DAB1: variants seen among roughly 807,000 people sequenced by gnomAD.
DAB1 encodes DAB adaptor protein 1.
DAB1 carries 15 observed loss-of-function variants against 64.6 expected under a neutral mutation model. That is an observed-to-expected ratio of 0.23 (90% CI 0.16 to 0.36). DAB1 has a LOEUF of 0.36. Ranked by LOEUF, DAB1 falls within the 10% of genes least tolerant of loss-of-function variation. DAB1 has a pLI of 1.00. For missense variants in DAB1, 596 were observed against 706.7 expected, an observed-to-expected ratio of 0.84 and a Z score of 1.78; for synonymous variants, 235 against 251.9, an observed-to-expected ratio of 0.93 and a Z score of 0.64.
chr1:57,227,519 T>TTTTTTTTGTG (rs3222527), intron 2 of DAB1, among the ~76,000 whole-genome samples: 1 of 135,726 alleles, frequency 7.4e-6, no homozygotes, highest in Admixed American at 7.5e-5. Flanking sequence ...TTTTTTTCTT[T>TTTTTTTTGTG]TGTGTGTGTG....
intron 2 of DAB1, among the ~76,000 whole-genome samples, chr1:57,170,158 G>A (rs11206988): frequency 0.099 from 15,021 of 151,712 alleles, 1,638 homozygotes; most frequent in African/African-American, 0.27. Context: ...CACCACACCT[G>A]GCTAATTTTT....
chr1:58,036,229 T>A (rs1328279022), intron 5 of DAB1, among the ~76,000 whole-genome samples: 1 of 152,204 alleles, frequency 6.6e-6, no homozygotes, highest in African/African-American at 2.4e-5. Context: ...CTCTTCACAA[T>A]GACTCCGTGA....
chr1:57,060,151 T>TTTTATTTTATTTTATTTTA (rs1650236687), intron 9 of DAB1, among the ~76,000 whole-genome samples: 1 of 149,488 alleles, frequency 6.7e-6, no homozygotes, highest in Non-Finnish European at 1.5e-5. Context: ...TTTTATTTTA[T>TTTTATTTTATTTTATTTTA]TTTATTTTAT....
In DAB1 at chr1:58,166,278, C is replaced by T. The variant is rs536618875; in HGVS notation, n.310-15690G>A. On this transcript the variant is annotated intron_variant and non_coding_transcript_variant, in intron 4 of 20. Coordinates refer to the DAB1 transcript ENST00000485760. ...CTGCAATCTAGTTTTAGAACATTAT[C>T]GCCACCCCAAAAAGATGCCTGTGTC... 3.4e-4 allele frequency among the ~76,000 whole-genome samples: 52 copies of T among 152,220 alleles called. No individual in the cohort carries two copies. In the South Asian group the frequency reaches 0.01, roughly 30 times the overall value.
At chr1:57,596,694 C>T (rs1012424897) in intron 7 of DAB1, among the ~76,000 whole-genome samples, 5 of 152,112 alleles carry the variant, frequency 3.3e-5, no homozygotes, top group African/African-American at 9.7e-5. Flanking sequence ...AAGGATACAA[C>T]AATATTATTA....
chr1:58,416,771 C>A (rs575054434), intron 3 of DAB1, among the ~76,000 whole-genome samples: 1 of 152,196 alleles, frequency 6.6e-6, no homozygotes, highest in South Asian at 2.1e-4. Flanking sequence ...GACAGAGGGA[C>A]AGATCTTCCT....
At chr1:58,544,068 T>G (rs565613070) in intron 1 of DAB1, among the ~76,000 whole-genome samples, 1 of 152,344 alleles carries the variant, frequency 6.6e-6, no homozygotes, top group South Asian at 2.1e-4. Context: ...CATGACCATC[T>G]AAAGGAGGTG....
Position 57,145,873 on chromosome 1 carries a change from G to T in DAB1, c.68-444C>A, listed in dbSNP as rs138846466. ...AACATTCAATAATAGCTTGGCCAGG[G>T]TCCAAGACCCTCTTCCCACCCAATT... On this transcript the variant is annotated intron_variant, in intron 2 of 14. Transcript: ENST00000371236. Among the ~76,000 whole-genome samples the T allele has an allele frequency of 2.1e-3, 327 of 152,248 alleles. 1 individual carries two copies. The highest frequency in any genetic ancestry group is 7.6e-3 in the African/African-American group (317 of 41,534).
chr1:57,851,480 C>A (rs941170824), intron 1 of DAB1, among the ~76,000 whole-genome samples: 1 of 152,122 alleles, frequency 6.6e-6, no homozygotes, highest in African/African-American at 2.4e-5. Context: ...TTTTGTCTGG[C>A]GGAGAGAAGA....
At chr1:57,894,939 A>C (rs917817716) in intron 5 of DAB1, among the ~76,000 whole-genome samples, 1 of 152,178 alleles carries the variant, frequency 6.6e-6, no homozygotes, top group African/African-American at 2.4e-5. Flanking sequence ...AATTGGTCTG[A>C]GCAAATTGTA....
chr1:57,602,180 C>T (rs966928172), intron 7 of DAB1, among the ~76,000 whole-genome samples: 1 of 152,122 alleles, frequency 6.6e-6, no homozygotes, highest in African/African-American at 2.4e-5. Context: ...CCATAAATCT[C>T]CTAATCTGTG....
chr1:58,034,831 T>C (rs1020060933), intron 5 of DAB1, among the ~76,000 whole-genome samples: 1 of 152,176 alleles, frequency 6.6e-6, no homozygotes, highest in African/African-American at 2.4e-5. Flanking sequence ...CCAAAAAGAA[T>C]GAAAACCGAG....
intron 2 of DAB1, among the ~76,000 whole-genome samples, chr1:57,282,260 G>A (rs1228484914): frequency 6.7e-6 from 1 of 150,296 alleles, no homozygotes; most frequent in East Asian, 2.0e-4. Flanking sequence ...AAGAGCAAGT[G>A]CATAGGGTAA....
At chr1:57,613,940 G>A (rs1164171651) in intron 7 of DAB1, among the ~76,000 whole-genome samples, 1 of 152,186 alleles carries the variant, frequency 6.6e-6, no homozygotes, top group African/African-American at 2.4e-5. Context: ...TTCATTTTCA[G>A]GTTGATGTGA....
At chr1:57,023,786 C>T (rs982883170) in intron 10 of DAB1, 147 bp from the exon 11 acceptor site, 1 of 628,698 alleles carries the variant, frequency 1.6e-6, no homozygotes, top group Non-Finnish European at 2.9e-6. Flanking sequence ...GTGCTGGTTA[C>T]ATACACTTTA....
chr1:57,377,766 T>C (rs1187348939), intron 1 of DAB1, among the ~76,000 whole-genome samples: 1 of 152,170 alleles, frequency 6.6e-6, no homozygotes, highest in Non-Finnish European at 1.5e-5. Context: ...AGGGACCGTC[T>C]GCAAAGGCGT....
rs926686949 is a variant in DAB1, at chr1:57,434,817, A to T, written n.626-143651T>A. Among the ~76,000 whole-genome samples, 3 of 152,192 alleles carry T rather than the reference A, an allele frequency of 2.0e-5. No homozygotes were observed. The East Asian group carries it at 5.8e-4, about 29-fold the overall frequency. ...ATGTATCTAAACATACAAAATGTAC[A>T]GTAAAAATACAATATAAAAGATAAA... On this transcript the variant is annotated intron_variant and non_coding_transcript_variant, in intron 7 of 20. Coordinates refer to the DAB1 transcript ENST00000485760.
intron 3 of DAB1, among the ~76,000 whole-genome samples, chr1:58,364,559 C>A (rs989089353): frequency 2.6e-5 from 4 of 152,202 alleles, no homozygotes; most frequent in Non-Finnish European, 5.9e-5. Flanking sequence ...TCAGCCTCCA[C>A]ACCTACCCTT....
chr1:58,504,897 CTTTCT>C (rs1274818377), intron 3 of DAB1, among the ~76,000 whole-genome samples: 6 of 151,996 alleles, frequency 3.9e-5, no homozygotes, highest in Admixed American at 6.5e-5. Flanking sequence ...AGCATCATTT[CTTTCT>C]TTTAAGAGGT....
Sources: gnomAD v4.1 joint callset for allele counts (sites outside exome capture counted in the v4.1 genomes callset) on GRCh38, gnomAD v4.1.1 for gene constraint, MANE v1.5 for transcripts, NCBI Gene and HGNC (gene_info 2026-07-23, HGNC 2026-07-21) for gene names.